Variants in ARHGEF6 observed in about 807,000 individuals in gnomAD.
ARHGEF6 encodes rho guanine nucleotide exchange factor 6.
A neutral mutation model predicts 70.3 loss-of-function variants in ARHGEF6; 9 were observed. The observed-to-expected ratio is 0.13, with a 90% CI of 0.08 to 0.22. The LOEUF is 0.22. ARHGEF6 is among the 10% of genes least tolerant of loss of function. ARHGEF6 has a pLI of 1.00. For synonymous variants in ARHGEF6, 201 were observed against 207.8 expected, an observed-to-expected ratio of 0.97 and a Z score of 0.28; for missense variants, 470 against 563.0, an observed-to-expected ratio of 0.83 and a Z score of 1.67.
intron 3 of ARHGEF6, among the ~76,000 whole-genome samples, chrX:136,745,946 G>A (rs1250151322): frequency 8.9e-6 from 1 of 111,795 alleles, no homozygotes; most frequent in African/African-American, 3.3e-5. Context: ...TGTGAAATTC[G>A]ACCAGGCCAG....
At position 136,690,684 on chromosome X, in the gene ARHGEF6, T is replaced by C; in HGVS notation, c.1111A>G (p.Thr371Ala). Residue 371 changes from threonine (T) to alanine (A), a missense_variant, in exon 10 of 22, where the codon ACA becomes GCA. Transcript: ENST00000250617. ...ASSPGILILT[T>A]NLSKPFMRLE... ...CGCATGAATGGTTTGCTGAGGTTTG[T>C]TGTTAAAATGAGGATACCTGGGCTC... 1 of 1,210,997 alleles carries C rather than the reference T, an allele frequency of 8.3e-7. No individual in the cohort carries two copies. The highest frequency in any genetic ancestry group is 1.1e-6 in the Non-Finnish European group (1 of 894,859).
At chrX:136,709,053 C>A (rs991200738) in intron 7 of ARHGEF6, among the ~76,000 whole-genome samples, 5 of 111,548 alleles carry the variant, frequency 4.5e-5, no homozygotes, top group African/African-American at 1.6e-4. Flanking sequence ...CTGAAGTATA[C>A]AAATAGATAA....
At chrX:136,715,605 A>G (rs2076729077) in intron 6 of ARHGEF6, among the ~76,000 whole-genome samples, 1 of 110,113 alleles carries the variant, frequency 9.1e-6, no homozygotes, top group Admixed American at 9.8e-5. Context: ...GAAGTCCACA[A>G]GCAGAAGCCT....
At chrX:136,754,978 AGT>A (rs780380496) in intron 2 of ARHGEF6, among the ~76,000 whole-genome samples, 4 of 111,841 alleles carry the variant, frequency 3.6e-5, no homozygotes, top group African/African-American at 1.3e-4. Flanking sequence ...CTGACTCCCT[AGT>A]GTTCCAAATT....
intron 2 of ARHGEF6, among the ~76,000 whole-genome samples, chrX:136,772,725 T>C (rs750139110): frequency 9.0e-6 from 1 of 110,675 alleles, no homozygotes; most frequent in Non-Finnish European, 1.9e-5. Context: ...TAGCCAGGCA[T>C]AGTGGCAGGC....
At chrX:136,710,382 T>C (rs1237395660) in intron 7 of ARHGEF6, among the ~76,000 whole-genome samples, 1 of 102,579 alleles carries the variant, frequency 9.7e-6, no homozygotes, top group Non-Finnish European at 2.0e-5. Flanking sequence ...CCCAAGAGAA[T>C]ATTTTTTTGC....
intron 2 of ARHGEF6, among the ~76,000 whole-genome samples, chrX:136,776,976 G>A (rs2077410710): frequency 8.9e-6 from 1 of 111,999 alleles, no homozygotes; most frequent in African/African-American, 3.2e-5. Flanking sequence ...TGTAATCCCA[G>A]CACTTTGGGA....
In ARHGEF6 at chrX:136,666,307, A is replaced by C. The variant is rs899184088; in HGVS notation, c.*1722T>G. 3 of 112,410 alleles carry C rather than the reference A, an allele frequency of 2.7e-5. No homozygotes were observed. The highest frequency in any genetic ancestry group is 5.6e-5 in the Non-Finnish European group (3 of 53,284). The allele number at this position is 112,410 out of a possible 1,213,427, so 9.3% of individuals were successfully genotyped here. On this transcript the variant is annotated 3_prime_UTR_variant, in exon 22 of 22. Coordinates refer to ENST00000250617, the MANE Select transcript of ARHGEF6 (RefSeq NM_004840.3). ...GTAGCTATGGGACCTTGAGACTCTC[A>C]GTACCAAAAATAAAAAGGGCTCCTC... is the stretch of plus-strand genomic sequence containing the variant.
intron 2 of ARHGEF6, among the ~76,000 whole-genome samples, chrX:136,774,487 C>T (rs762625668): frequency 2.6e-4 from 28 of 108,386 alleles, no homozygotes; most frequent in Non-Finnish European, 4.4e-4. Flanking sequence ...TCCGTCTCTA[C>T]TAAAAATACA....
rs139177709 is a variant in ARHGEF6 at position 136,759,971 on chromosome X, T to C, written c.250-12379A>G. 3.0e-3 allele frequency among the ~76,000 whole-genome samples: 335 copies of C among 112,227 alleles called. 4 individuals carry two copies. Among genetic ancestry groups the C allele is most frequent in the African/African-American group, 0.01 (321 of 30,862 alleles). The stretch of plus-strand genomic sequence containing the variant: ...CGTGACTACATGCTGTTTTGGATGA[T>C]CCACATCTCTAAGCCCATACATCTC... On this transcript the variant is annotated intron_variant, in intron 2 of 21. Transcript: ENST00000250617.
chrX:136,762,342 T>G (rs2077271723), intron 2 of ARHGEF6, among the ~76,000 whole-genome samples: 1 of 112,417 alleles, frequency 8.9e-6, no homozygotes, highest in African/African-American at 3.2e-5. Flanking sequence ...TAATGCAATG[T>G]TTTTTATCTA....
chrX:136,755,617 G>A (rs1009056757), intron 2 of ARHGEF6, among the ~76,000 whole-genome samples: 11 of 111,693 alleles, frequency 9.8e-5, no homozygotes, highest in Non-Finnish European at 1.3e-4. Context: ...ACTGCTAGTC[G>A]CCTTCAGCAG....
At chrX:136,682,475 CT>C (rs2076342178) in intron 13 of ARHGEF6, among the ~76,000 whole-genome samples, 1 of 111,963 alleles carries the variant, frequency 8.9e-6, no homozygotes, top group Non-Finnish European at 1.9e-5. Flanking sequence ...TGACATGGGC[CT>C]GTACAATACT....
intron 2 of ARHGEF6, among the ~76,000 whole-genome samples, chrX:136,755,942 T>C (rs1366052967): frequency 9.0e-6 from 1 of 111,469 alleles, no homozygotes; most frequent in Admixed American, 9.5e-5. Context: ...GAGAGACTTA[T>C]AAAGGTAAAT....
chrX:136,727,395 T>TTCTTTCTTTCTTTCTTTCTC (rs1491576833), intron 6 of ARHGEF6, among the ~76,000 whole-genome samples: 6 of 53,618 alleles, frequency 1.1e-4, no homozygotes, highest in Admixed American at 4.0e-4. Flanking sequence ...CTTTCTTTCT[T>TTCTTTCTTTCTTTCTTTCTC]TCTCTCTCTC....
intron 5 of ARHGEF6, among the ~76,000 whole-genome samples, chrX:136,735,474 T>TGG (rs1027247299): frequency 9.1e-6 from 1 of 109,981 alleles, no homozygotes; most frequent in African/African-American, 3.3e-5. Context: ...CCCTGGGTGG[T>TGG]GGGGGGGATT....
chrX:136,764,522 T>C (rs1309535852), intron 2 of ARHGEF6, among the ~76,000 whole-genome samples: 1 of 112,010 alleles, frequency 8.9e-6, no homozygotes, highest in Non-Finnish European at 1.9e-5. Context: ...AGAAACCTCA[T>C]ACAAACAAGT....
chrX:136,703,686 C>G (rs1177312092), intron 9 of ARHGEF6, among the ~76,000 whole-genome samples: 1 of 111,914 alleles, frequency 8.9e-6, no homozygotes, highest in Non-Finnish European at 1.9e-5. Flanking sequence ...GCATGCCCAG[C>G]TAATTTTGTA....
Position 136,685,683 on chromosome X carries a change from T to C in ARHGEF6, c.1386A>G (p.Ala462=), listed in dbSNP as rs1603336637. The change falls in exon 12 of 22, where the codon GCA becomes GCG. Residue 462 remains alanine (A), a synonymous_variant. Coordinates refer to ENST00000250617, the MANE Select transcript of ARHGEF6 (RefSeq NM_004840.3). ...GAGATTTGAAATACCTTACCTCACA[T>C]GCTCCATACTGCACCATTACTTGTG... ...FMSQVMVQYG[A]CEEKEERYLM... The C allele has an allele frequency of 3.3e-6, 4 of 1,206,214 alleles. No individual in the cohort carries two copies. The highest frequency in any genetic ancestry group is 1.1e-6 in the Non-Finnish European group (1 of 893,411).
Sources: allele counts gnomAD v4.1 joint callset (sites outside exome capture counted in the v4.1 genomes callset), GRCh38; gene constraint gnomAD v4.1.1; transcripts MANE v1.5; gene names NCBI Gene and HGNC (gene_info 2026-07-23, HGNC 2026-07-21).